THAP4: variants seen among roughly 807,000 people sequenced by gnomAD.
THAP4 encodes THAP domain containing 4.
In THAP4, 18 loss-of-function variants were observed where a neutral mutation model predicts 48.1. The ratio of observed to expected loss-of-function variants is 0.37; its 90% confidence interval spans 0.26 to 0.56. THAP4 has a LOEUF of 0.56. Among genes scored for constraint, THAP4 ranks in the 20% least tolerant of loss-of-function variants. The pLI, the probability that THAP4 is intolerant of heterozygous loss-of-function variation, is 0.78. For missense variants in THAP4, 656 were observed against 774.9 expected (o/e 0.85, Z 1.82); for synonymous variants, 345 against 324.9 (o/e 1.06, Z -0.66).
At chr2:241,620,065 G>T (rs1308573876) in intron 2 of THAP4, among the ~76,000 whole-genome samples, 1 of 83,534 alleles carries the variant, frequency 1.2e-5, no homozygotes, top group Non-Finnish European at 2.4e-5. Context: ...GTGAGTGAGG[G>T]GTGAGTGAGT....
At chr2:241,617,965 G>A (rs1026005242) in intron 2 of THAP4, among the ~76,000 whole-genome samples, 14 of 152,210 alleles carry the variant, frequency 9.2e-5, no homozygotes, top group Admixed American at 9.2e-4. Context: ...ACCTGGGGAC[G>A]GCTCCTTCCT....
chr2:241,637,072 C>T lies in THAP4; in HGVS notation c.-55G>A, dbSNP rs1461505613. On this transcript the variant is annotated 5_prime_UTR_variant, in exon 1 of 6. Transcript: ENST00000407315. ...GCCCCGGCCCTAGCCGCCCGCCCGCCCGCGGACCGCCCCGAGGGAGGGAGC... is the reference window on the plus strand; with the variant it reads ...GCCCCGGCCCTAGCCGCCCGCCCGCTCGCGGACCGCCCCGAGGGAGGGAGC... The T allele has an allele frequency of 5.5e-6, 6 of 1,084,730 alleles. No homozygotes were observed. Among genetic ancestry groups the T allele is most frequent in the Non-Finnish European group, 6.7e-6 (6 of 891,776 alleles). 67.2% of individuals were successfully genotyped at this position (1,084,730 alleles called of 1,614,324 possible). A position where few individuals can be genotyped will look rare whatever the true frequency, so the allele number is the denominator to read the frequency against.
At chr2:241,620,199 GA>G (rs2067407905) in intron 2 of THAP4, among the ~76,000 whole-genome samples, 3 of 74,632 alleles carry the variant, frequency 4.0e-5, no homozygotes, top group African/African-American at 1.7e-4. Context: ...GAGGGGTGAG[GA>G]GTGAGTGAGG....
chr2:241,586,468 C>A (rs1336155865), intron 5 of THAP4, among the ~76,000 whole-genome samples: 1 of 151,864 alleles, frequency 6.6e-6, no homozygotes, highest in African/African-American at 2.4e-5. Flanking sequence ...AAGGAAGCCT[C>A]AAGTCATCTC....
At chr2:241,617,531 C>G in intron 2 of THAP4, 1 of 1,414,996 alleles carries the variant, frequency 7.1e-7, no homozygotes, top group Non-Finnish European at 9.6e-7. Flanking sequence ...TGAATGCTAA[C>G]TTTAAATGGT....
chr2:241,617,285 C>T, intron 2 of THAP4: 1 of 700,600 alleles, frequency 1.4e-6, no homozygotes, highest in Non-Finnish European at 2.5e-6. Context: ...CTTTTCTAGG[C>T]ATTTCTTTTC....
At chr2:241,635,420 T>C (rs1320071855) in intron 1 of THAP4, among the ~76,000 whole-genome samples, 3 of 152,240 alleles carry the variant, frequency 2.0e-5, no homozygotes, top group African/African-American at 4.8e-5. Context: ...ATAAAGATCC[T>C]TCATAACCAT....
Position 241,637,121 on chromosome 2 carries a change from G to A in THAP4, c.-104C>T. 1.0e-6 allele frequency: 1 copy of A among 1,001,128 alleles called. No homozygotes were observed. Among genetic ancestry groups the A allele is most frequent in the Non-Finnish European group, 1.2e-6 (1 of 842,720 alleles). 62.0% of individuals were successfully genotyped at this position (1,001,128 alleles called of 1,614,324 possible). A position where few individuals can be genotyped will look rare whatever the true frequency, so the allele number is the denominator to read the frequency against. ...GCGCGGCGGCGACACGGCTCGGGAC[G>A]TGGGCCGGCCCGCGGCGTCCGCGCC... On this transcript the variant is annotated 5_prime_UTR_variant, in exon 1 of 6. It adds an upstream start codon to the 5' untranslated region. Coordinates refer to ENST00000407315, the MANE Select transcript of THAP4 (RefSeq NM_015963.6).
rs182278918 is a variant in THAP4 at position 241,612,329 on chromosome 2, G to T, written c.1241-5856C>A. Reference sequence around the variant, plus strand: ...GGGAACGCCTGGCACACTGCTGATGGGGACGTGAACTGGCACAGCCTAGTG... The same window carrying T: ...GGGAACGCCTGGCACACTGCTGATGTGGACGTGAACTGGCACAGCCTAGTG... On this transcript the variant is annotated intron_variant, in intron 2 of 5. Coordinates refer to ENST00000407315, the MANE Select transcript of THAP4 (RefSeq NM_015963.6). The surrounding 1 kb of genome is among the most constrained non-coding windows in gnomAD (Gnocchi z 4.1). Among the ~76,000 whole-genome samples, 19 of 152,270 alleles carry T rather than the reference G, an allele frequency of 1.2e-4. No homozygotes were observed. The East Asian group carries it at 3.7e-3, about 29-fold the overall frequency.
rs113767121 is a variant in THAP4, at chr2:241,616,991, C to A, written c.1241-10518G>T. On this transcript the variant is annotated intron_variant, in intron 2 of 5. Transcript: ENST00000407315. The surrounding 1 kb of genome is among the most constrained non-coding windows in gnomAD (Gnocchi z 4.6). ...CCCTGCACCCTCCACCACTTCGGGC[C>A]GCGTGGAACGTGGCAGCAGCCTAGC... is the stretch of plus-strand genomic sequence containing the variant. Among the ~76,000 whole-genome samples, 1,702 of 152,308 alleles carry A rather than the reference C, an allele frequency of 0.011. 29 individuals carry two copies. The highest frequency in any genetic ancestry group is 0.039 in the African/African-American group (1,627 of 41,564).
intron 2 of THAP4, among the ~76,000 whole-genome samples, chr2:241,619,780 GGTGAGTGAGGGGTGCGTGAGTC>G (rs1337273184): frequency 3.7e-5 from 5 of 136,716 alleles, no homozygotes; most frequent in Non-Finnish European, 7.9e-5. Context: ...TGAGTGAGTC[GGTGAGTGAGGGGTGCGTGAGTC>G]GTGAGTGAGG....
chr2:241,601,749 C>T lies in THAP4; in HGVS notation c.1614+147G>A. The stretch of plus-strand genomic sequence containing the variant: ...TAGGGAACATCCACCCTGGATGGTC[C>T]GAGAAGGGAAAAGAAGGAGACAGTG... On this transcript the variant is annotated intron_variant, in intron 5 of 5. Transcript: ENST00000407315. The surrounding 1 kb of genome is among the most constrained non-coding windows in gnomAD (Gnocchi z 4.0). 6 of 1,476,446 alleles carry T rather than the reference C, an allele frequency of 4.1e-6. No homozygotes were observed. Among genetic ancestry groups the T allele is most frequent in the East Asian group, 5.0e-5 (2 of 40,076 alleles). The allele number at this position is 1,476,446 out of a possible 1,614,324, so 91.5% of individuals were successfully genotyped here.
At chr2:241,595,330 A>T (rs1003515283) in intron 5 of THAP4, among the ~76,000 whole-genome samples, 4 of 152,076 alleles carry the variant, frequency 2.6e-5, no homozygotes, top group Non-Finnish European at 1.5e-5. Flanking sequence ...TTATATCTTT[A>T]AAGAGCTGTT....
chr2:241,586,330 G>A (rs998836555), intron 5 of THAP4, among the ~76,000 whole-genome samples: 4 of 150,618 alleles, frequency 2.7e-5, no homozygotes, highest in African/African-American at 9.8e-5. Context: ...CATCCCAGGA[G>A]TAAGAGTTAA....
At chr2:241,626,490 C>T (rs577133731) in intron 2 of THAP4, among the ~76,000 whole-genome samples, 75 of 151,576 alleles carry the variant, frequency 4.9e-4, no homozygotes, top group African/African-American at 1.8e-3. Context: ...AACCAAAAAA[C>T]AACAACAAAG....
intron 2 of THAP4, among the ~76,000 whole-genome samples, chr2:241,630,440 A>C (rs2067542625): frequency 6.6e-6 from 1 of 152,232 alleles, no homozygotes; most frequent in African/African-American, 2.4e-5. Context: ...AATGGAGACA[A>C]ACTTCAGGAA....
At chr2:241,588,030 AG>A (rs1445256011) in intron 5 of THAP4, among the ~76,000 whole-genome samples, 1 of 138,286 alleles carries the variant, frequency 7.2e-6, no homozygotes, top group East Asian at 2.6e-4. Context: ...GAAGGAAGGA[AG>A]GAAGGGAGGG....
At chr2:241,619,230 C>A (rs2067381515) in intron 2 of THAP4, among the ~76,000 whole-genome samples, 1 of 152,210 alleles carries the variant, frequency 6.6e-6, no homozygotes, top group Non-Finnish European at 1.5e-5. Flanking sequence ...AACAAGGACA[C>A]TCGAGGAATT....
rs1362310654 is a variant in THAP4 at position 241,610,318 on chromosome 2, G to A, written c.1241-3845C>T. Among the ~76,000 whole-genome samples, 4 of 152,078 alleles carry A rather than the reference G, an allele frequency of 2.6e-5. No individual in the cohort carries two copies. Among genetic ancestry groups the A allele is most frequent in the Non-Finnish European group, 5.9e-5 (4 of 68,002 alleles). On this transcript the variant is annotated intron_variant, in intron 2 of 5. Transcript: ENST00000407315. This position sits in a 1 kb window ranked among gnomAD's most constrained non-coding sequence, Gnocchi z 4.2. ...GCCCCGCCTCAGGCGCCGCATCTCCGCCCTCTCTTGCGCCTGCGGGACCGG... is the reference window on the plus strand; with the variant it reads ...GCCCCGCCTCAGGCGCCGCATCTCCACCCTCTCTTGCGCCTGCGGGACCGG...
Sources: allele counts gnomAD v4.1 joint callset (sites outside exome capture counted in the v4.1 genomes callset), GRCh38; gene constraint gnomAD v4.1.1; non-coding constraint Gnocchi (gnomAD v3.1); transcripts MANE v1.5; gene names NCBI Gene and HGNC (gene_info 2026-07-23, HGNC 2026-07-21).